Variants in KCNK3 observed in about 807,000 individuals in gnomAD.
KCNK3 encodes the protein potassium two pore domain channel subfamily K member 3.
A neutral mutation model predicts 27.3 loss-of-function variants in KCNK3; 9 were observed. That is an observed-to-expected ratio of 0.33 (90% CI 0.20 to 0.57). The LOEUF is 0.57. Ranked by LOEUF, KCNK3 falls within the 20% of genes least tolerant of loss-of-function variation. The pLI is 0.87. For synonymous variants in KCNK3, 278 were observed against 273.8 expected (o/e 1.02, Z -0.15); for missense variants, 391 against 577.7 (o/e 0.68, Z 3.31).
chr2:26,730,467 A>C lies in KCNK3; in HGVS notation c.*1899A>C, dbSNP rs1255314731. 1 of 152,274 alleles carries C rather than the reference A, an allele frequency of 6.6e-6. No homozygotes were observed. The highest frequency in any genetic ancestry group is 1.5e-5 in the Non-Finnish European group (1 of 68,116). The allele number at this position is 152,274 out of a possible 1,614,324, so 9.4% of individuals were successfully genotyped here. On this transcript the variant is annotated 3_prime_UTR_variant, in exon 2 of 2. Coordinates refer to ENST00000302909, the MANE Select transcript of KCNK3 (RefSeq NM_002246.3). Reference sequence around the variant, plus strand: ...CCCCACAGCTGGAGCCGGTATAATGACTGGGACAACATCAAGGGGTGGATG... The same window carrying C: ...CCCCACAGCTGGAGCCGGTATAATGCCTGGGACAACATCAAGGGGTGGATG...
At chr2:26,726,100 C>CAGAGAGAG (rs1269817992) in intron 1 of KCNK3, among the ~76,000 whole-genome samples, 2 of 109,666 alleles carry the variant, frequency 1.8e-5, no homozygotes, top group African/African-American at 4.2e-5. Context: ...CACACACACA[C>CAGAGAGAG]ACACACAGAG....
chr2:26,696,455 C>A (rs571416444), intron 1 of KCNK3, among the ~76,000 whole-genome samples: 1 of 152,298 alleles, frequency 6.6e-6, no homozygotes, highest in African/African-American at 2.4e-5. Context: ...CCTGACACAG[C>A]CAAGCCGTGC....
intron 1 of KCNK3, among the ~76,000 whole-genome samples, chr2:26,705,875 G>C (rs1293676851): frequency 6.6e-6 from 1 of 152,144 alleles, no homozygotes; most frequent in Non-Finnish European, 1.5e-5. Context: ...GGAGGTAGGG[G>C]GGTGGGGGGC....
In KCNK3 at chr2:26,727,908, C is replaced by G; in HGVS notation, c.525C>G (p.Ala175=). 6.2e-7 allele frequency: 1 copy of G among 1,614,232 alleles called. No individual in the cohort carries two copies. The highest frequency in any genetic ancestry group is 8.5e-7 in the Non-Finnish European group (1 of 1,180,038). Residue 175 remains alanine, a synonymous_variant, in exon 2 of 2, where the codon GCC becomes GCG. Coordinates refer to ENST00000302909, the MANE Select transcript of KCNK3 (RefSeq NM_002246.3). ...FSCISTLCIG[A]AAFSHYEHWT... is the part of the protein sequence containing the mutation. ...GCATCAGCACGCTGTGCATCGGCGCCGCCGCCTTCTCCCACTACGAGCACT... is the reference window on the plus strand; with the variant it reads ...GCATCAGCACGCTGTGCATCGGCGCGGCCGCCTTCTCCCACTACGAGCACT...
intron 1 of KCNK3, among the ~76,000 whole-genome samples, chr2:26,711,509 C>T (rs1489244179): frequency 6.6e-6 from 1 of 152,132 alleles, no homozygotes; most frequent in Non-Finnish European, 1.5e-5. Flanking sequence ...TTTGGCTGAA[C>T]CCTAATCCAG....
intron 1 of KCNK3, among the ~76,000 whole-genome samples, chr2:26,700,382 A>G (rs1670292482): frequency 6.6e-6 from 1 of 152,216 alleles, no homozygotes; most frequent in Non-Finnish European, 1.5e-5. Context: ...GGTGGCTCCC[A>G]GAGACCTTCC....
Position 26,728,036 on chromosome 2 carries a change from C to T in KCNK3, c.653C>T (p.Pro218Leu). 6.2e-7 allele frequency: 1 copy of T among 1,614,212 alleles called. No homozygotes were observed. Among genetic ancestry groups the T allele is most frequent in the Non-Finnish European group, 8.5e-7 (1 of 1,180,014 alleles). The change falls in exon 2 of 2, where the codon CCG becomes CTG. Residue 218 changes from proline to leucine, a missense_variant. Coordinates refer to ENST00000302909, the MANE Select transcript of KCNK3 (RefSeq NM_002246.3). Reference protein sequence around the residue: ...LQKDQALQTQPQYVAFSFVYI... With the variant: ...LQKDQALQTQLQYVAFSFVYI... ...AAGGACCAGGCCCTGCAGACGCAGC[C>T]GCAGTACGTGGCCTTCAGCTTCGTC...
At chr2:26,724,053 C>T (rs968088726) in intron 1 of KCNK3, among the ~76,000 whole-genome samples, 3 of 152,370 alleles carry the variant, frequency 2.0e-5, no homozygotes, top group East Asian at 1.9e-4. Flanking sequence ...AGGCAGCGGG[C>T]CTGCTGGCAG....
intron 1 of KCNK3, among the ~76,000 whole-genome samples, chr2:26,712,666 AGTGT>A (rs4007222): frequency 0.062 from 8,985 of 144,654 alleles, 297 homozygotes; most frequent in East Asian, 0.12. Flanking sequence ...TGGGTGTTGG[AGTGT>A]GTGTGTGTGT....
chr2:26,724,921 G>A (rs1262341975), intron 1 of KCNK3, among the ~76,000 whole-genome samples: 2 of 152,098 alleles, frequency 1.3e-5, no homozygotes, highest in East Asian at 3.9e-4. Flanking sequence ...CTGGGTGTGG[G>A]CTAAGGACGG....
At chr2:26,702,808 G>A (rs922305375) in intron 1 of KCNK3, among the ~76,000 whole-genome samples, 8 of 152,028 alleles carry the variant, frequency 5.3e-5, no homozygotes, top group Non-Finnish European at 1.2e-4. Context: ...AGATCCATAC[G>A]GCAGGCCATC....
rs954055739 is a variant in KCNK3 at position 26,693,636 on chromosome 2, A to T, written c.283+478A>T. Among the ~76,000 whole-genome samples, 2 of 152,182 alleles carry T rather than the reference A, an allele frequency of 1.3e-5. No individual in the cohort carries two copies. The highest frequency in any genetic ancestry group is 6.5e-5 in the Admixed American group (1 of 15,284). ...ATGTCGGAATGCGGCACTTCGGGGCACTTGGGGCCACCCTATAACGGCGGC... is the reference window on the plus strand; with the variant it reads ...ATGTCGGAATGCGGCACTTCGGGGCTCTTGGGGCCACCCTATAACGGCGGC... On this transcript the variant is annotated intron_variant, in intron 1 of 1. Coordinates refer to ENST00000302909, the MANE Select transcript of KCNK3 (RefSeq NM_002246.3). The surrounding 1 kb of genome is among the most constrained non-coding windows in gnomAD (Gnocchi z 5.5).
At chr2:26,708,761 T>C (rs1054611838) in intron 1 of KCNK3, among the ~76,000 whole-genome samples, 1 of 152,252 alleles carries the variant, frequency 6.6e-6, no homozygotes, top group Non-Finnish European at 1.5e-5. Context: ...TGGGTTGTGA[T>C]GTGACATGAC....
intron 1 of KCNK3, among the ~76,000 whole-genome samples, chr2:26,705,953 T>G (rs1670367576): frequency 6.6e-6 from 1 of 151,876 alleles, no homozygotes; most frequent in Non-Finnish European, 1.5e-5. Flanking sequence ...GGAACCAGAG[T>G]CATGGGTGTG....
Position 26,728,435 on chromosome 2 carries a change from G to A in KCNK3, c.1052G>A (p.Gly351Asp), listed in dbSNP as rs1285585986. The change falls in exon 2 of 2, where the codon GGC (glycine) becomes GAC (aspartate). Residue 351 changes from glycine (G) to aspartate (D), a missense_variant. Gly to Asp is a moderately conservative substitution (Grantham distance 94). This residue lies in a region of KCNK3 where 192 missense variants were observed against 196.0 expected (regional missense o/e 0.98). Coordinates refer to ENST00000302909, the MANE Select transcript of KCNK3 (RefSeq NM_002246.3). Reference sequence around the variant, plus strand: ...AGCCACTCGTCGCCGGGAGGGGGCGGCCGCTACAGCGACACGCCCTCGCGA... The same window carrying A: ...AGCCACTCGTCGCCGGGAGGGGGCGACCGCTACAGCGACACGCCCTCGCGA... ...EQSHSSPGGG[G>D]RYSDTPSRRC... 2 of 1,589,550 alleles carry A rather than the reference G, an allele frequency of 1.3e-6. No individual in the cohort carries two copies. Among genetic ancestry groups the A allele is most frequent in the Non-Finnish European group, 8.6e-7 (1 of 1,165,034 alleles).
At position 26,727,893 on chromosome 2, in the gene KCNK3, G is replaced by A. The variant is rs748629731; in HGVS notation, c.510G>A (p.Thr170=). 21 of 1,614,094 alleles carry A rather than the reference G, an allele frequency of 1.3e-5. No individual in the cohort carries two copies. Among genetic ancestry groups the A allele is most frequent in the Non-Finnish European group, 1.7e-5 (20 of 1,180,046 alleles). The change falls in exon 2 of 2, where the codon ACG becomes ACA. Residue 170 remains threonine, a synonymous_variant. Coordinates refer to ENST00000302909, the MANE Select transcript of KCNK3 (RefSeq NM_002246.3). The stretch of plus-strand genomic sequence containing the variant: ...TCGGCTTCTTCTCGTGCATCAGCAC[G>A]CTGTGCATCGGCGCCGCCGCCTTCT... ...VLIGFFSCIS[T]LCIGAAAFSH... is the part of the protein sequence containing the mutation.
chr2:26,706,591 C>T (rs1670376929), intron 1 of KCNK3, among the ~76,000 whole-genome samples: 1 of 152,168 alleles, frequency 6.6e-6, no homozygotes, highest in Non-Finnish European at 1.5e-5. Context: ...TCCTCTTGTC[C>T]TTGGTCCACC....
At chr2:26,715,446 G>A (rs558369293) in intron 1 of KCNK3, among the ~76,000 whole-genome samples, 17 of 152,310 alleles carry the variant, frequency 1.1e-4, no homozygotes, top group African/African-American at 3.8e-4. Context: ...TAGCCTCTGC[G>A]TACAGACTTA....
chr2:26,718,168 G>T (rs1663265628), intron 1 of KCNK3, among the ~76,000 whole-genome samples: 1 of 151,836 alleles, frequency 6.6e-6, no homozygotes, highest in Non-Finnish European at 1.5e-5. Flanking sequence ...CCATGCAGAG[G>T]ACCTCAGTGG....
Sources: allele counts gnomAD v4.1 joint callset (sites outside exome capture counted in the v4.1 genomes callset), GRCh38; gene constraint gnomAD v4.1.1; regional missense constraint gnomAD v4.1.1; non-coding constraint Gnocchi (gnomAD v3.1); transcripts MANE v1.5; gene names NCBI Gene and HGNC (gene_info 2026-07-23, HGNC 2026-07-21).